Variants in GRM3 observed in about 807,000 individuals in gnomAD.
The protein encoded by GRM3 is metabotropic glutamate receptor 3.
GRM3 carries 26 observed loss-of-function variants against 70.5 expected under a neutral mutation model. The observed-to-expected ratio is 0.37, with a 90% CI of 0.27 to 0.51. The LOEUF is 0.51. Ranked by LOEUF, GRM3 falls within the 20% of genes least tolerant of loss-of-function variation. The pLI is 0.93. For missense variants in GRM3, 859 were observed against 1,123.8 expected (o/e 0.76, Z 3.37); for synonymous variants, 443 against 434.9 (o/e 1.02, Z -0.23).
rs376131269 is a variant in GRM3, at chr7:86,832,547, G to A, written c.1325-6292G>A. On this transcript the variant is annotated intron_variant, in intron 3 of 5. Transcript: ENST00000361669. ...ATTACAGGAGTCAGCCACTGCGCCCGGCCACTGCTAGTAGCTTTTGCAATC... is the reference window on the plus strand; with the variant it reads ...ATTACAGGAGTCAGCCACTGCGCCCAGCCACTGCTAGTAGCTTTTGCAATC... Among the ~76,000 whole-genome samples the A allele has an allele frequency of 1.2e-3, 175 of 152,124 alleles. 7 individuals carry two copies. In the South Asian group the frequency reaches 0.035, roughly 30 times the overall value.
intron 1 of GRM3, among the ~76,000 whole-genome samples, chr7:86,704,605 C>T (rs545495770): frequency 5.3e-4 from 81 of 151,872 alleles, no homozygotes; most frequent in Non-Finnish European, 9.7e-4. Context: ...CAACTTTAAT[C>T]GGCTCAATAT....
At chr7:86,803,360 A>G (rs952859661) in intron 3 of GRM3, among the ~76,000 whole-genome samples, 7 of 152,180 alleles carry the variant, frequency 4.6e-5, no homozygotes, top group African/African-American at 1.4e-4. Flanking sequence ...CTTTCTTTTC[A>G]GTAGAGAAAT....
rs1464835532 is a variant in GRM3, at chr7:86,644,633, A to C, written c.-380A>C. 1.7e-5 allele frequency: 8 copies of C among 470,564 alleles called. No individual in the cohort carries two copies. The highest frequency in any genetic ancestry group is 3.3e-5 in the Non-Finnish European group (8 of 244,768). 29.1% of individuals were successfully genotyped at this position (470,564 alleles called of 1,614,324 possible). On this transcript the variant is annotated 5_prime_UTR_variant, in exon 1 of 6. Transcript: ENST00000361669. ...ATGTTCTGCCACCGGGCAGTGGTCC[A>C]GCGTGCAGCCGGGAGGGGGCAGGGG...
chr7:86,645,271 G>T (rs942661147), intron 1 of GRM3, among the ~76,000 whole-genome samples: 9 of 152,142 alleles, frequency 5.9e-5, no homozygotes, highest in African/African-American at 1.9e-4. Flanking sequence ...CCGTGGATAC[G>T]GGCGGTTTCA....
At chr7:86,764,694 C>T (rs1038960121) in intron 1 of GRM3, among the ~76,000 whole-genome samples, 2 of 151,938 alleles carry the variant, frequency 1.3e-5, no homozygotes, top group African/African-American at 4.8e-5. Flanking sequence ...CTGGACTTGG[C>T]TTTCAAAAGA....
At position 86,772,124 on chromosome 7, in the gene GRM3, A is replaced by AT. The variant is rs148911604; in HGVS notation, c.468+6517dup. ...TAAGCCACTTGAGTTTAAGAACCAC[A>AT]TTTTTTGTCTTTATATTATATTACT... On this transcript the variant is annotated intron_variant, in intron 2 of 5. Coordinates refer to ENST00000361669, the MANE Select transcript of GRM3 (RefSeq NM_000840.3). Among the ~76,000 whole-genome samples the AT allele has an allele frequency of 5.3e-3, 810 of 152,158 alleles. 3 individuals are homozygous for AT. The highest frequency in any genetic ancestry group is 0.018 in the African/African-American group (749 of 41,532).
At chr7:86,820,341 C>G (rs1333148658) in intron 3 of GRM3, among the ~76,000 whole-genome samples, 1 of 152,106 alleles carries the variant, frequency 6.6e-6, no homozygotes, top group African/African-American at 2.4e-5. Context: ...CCATCAGGAT[C>G]TTGGATCACA....
Position 86,786,896 on chromosome 7 carries a change from C to A in GRM3, c.1104C>A (p.Asn368Lys), listed in dbSNP as rs1362373579. ...KFQCSLQNKR[N>K]HRRVCDKHLA... Reference sequence around the variant, plus strand: ...AGTGCAGCCTCCAGAACAAACGCAACCACAGGCGCGTCTGCGACAAGCACC... The same window carrying A: ...AGTGCAGCCTCCAGAACAAACGCAAACACAGGCGCGTCTGCGACAAGCACC... Residue 368 changes from asparagine to lysine, a missense_variant, in exon 3 of 6, where the codon AAC becomes AAA. Transcript: ENST00000361669. The surrounding 1 kb of genome is among the most constrained non-coding windows in gnomAD (Gnocchi z 6.0). 9.3e-6 allele frequency: 15 copies of A among 1,614,164 alleles called. No individual in the cohort carries two copies. Among genetic ancestry groups the A allele is most frequent in the Non-Finnish European group, 1.3e-5 (15 of 1,179,968 alleles).
At chr7:86,796,511 T>C (rs1030989045) in intron 3 of GRM3, among the ~76,000 whole-genome samples, 11 of 152,184 alleles carry the variant, frequency 7.2e-5, no homozygotes, top group African/African-American at 2.4e-4. Context: ...CTGCCACCTT[T>C]GTTTTTTTTG....
rs1562811242 is a variant in GRM3 at position 86,645,996 on chromosome 7, GGT to G, written c.-141+1126_-141+1127del. On this transcript the variant is annotated intron_variant, in intron 1 of 5. Coordinates refer to ENST00000361669, the MANE Select transcript of GRM3 (RefSeq NM_000840.3). ...TCTTTGTGGTGGGCGGGGGGGTGGG[GGT>G]GGGGGGGTGGGGGGGGGTGGGAGGG... is the stretch of plus-strand genomic sequence containing the variant. 5.3e-3 allele frequency among the ~76,000 whole-genome samples: 177 copies of G among 33,682 alleles called. 9 individuals are homozygous for G. The highest frequency in any genetic ancestry group is 0.012 in the African/African-American group (121 of 9,908). 22.1% of individuals were successfully genotyped at this position (33,682 alleles called of 152,430 possible).
chr7:86,796,369 T>G (rs971568616), intron 3 of GRM3, among the ~76,000 whole-genome samples: 3 of 152,176 alleles, frequency 2.0e-5, no homozygotes, highest in Non-Finnish European at 2.9e-5. Flanking sequence ...GATCAGATGA[T>G]TGTTGATGTG....
At chr7:86,672,854 C>A (rs1001589758) in intron 1 of GRM3, among the ~76,000 whole-genome samples, 2 of 152,122 alleles carry the variant, frequency 1.3e-5, no homozygotes, top group African/African-American at 2.4e-5. Flanking sequence ...ACAAAAGCAT[C>A]CCCTCCCCTC....
intron 1 of GRM3, among the ~76,000 whole-genome samples, chr7:86,664,256 T>C (rs2115859014): frequency 6.6e-6 from 1 of 151,970 alleles, no homozygotes; most frequent in East Asian, 1.9e-4. Context: ...CTACAGAAGA[T>C]GGTAGCTTAG....
At chr7:86,823,204 C>G (rs1334957616) in intron 3 of GRM3, among the ~76,000 whole-genome samples, 1 of 152,114 alleles carries the variant, frequency 6.6e-6, no homozygotes, top group Non-Finnish European at 1.5e-5. Context: ...ATTTGAGGTG[C>G]TGTTCATGTT....
chr7:86,756,149 G>C lies in GRM3; in HGVS notation c.-140-8857G>C, dbSNP rs372107999. Reference sequence around the variant, plus strand: ...ACTGGAGTGCAATGGCGTGATCTTTGCTCACTGCAACCTCCTCCTCCTGGG... The same window carrying C: ...ACTGGAGTGCAATGGCGTGATCTTTCCTCACTGCAACCTCCTCCTCCTGGG... On this transcript the variant is annotated intron_variant, in intron 1 of 5. Transcript: ENST00000361669. Among the ~76,000 whole-genome samples, 9 of 152,228 alleles carry C rather than the reference G, an allele frequency of 5.9e-5. No individual in the cohort carries two copies. In the East Asian group the frequency reaches 1.4e-3, roughly 23 times the overall value.
intron 3 of GRM3, among the ~76,000 whole-genome samples, chr7:86,812,490 A>T (rs1362659164): frequency 6.6e-6 from 1 of 151,834 alleles, no homozygotes; most frequent in Non-Finnish European, 1.5e-5. Flanking sequence ...TTCCAAAAAA[A>T]GGTTAGGATT....
In GRM3 at chr7:86,864,362, A is replaced by T; in HGVS notation, c.*7A>T. Reference sequence around the variant, plus strand: ...CACCACCTCATCTCTGTGATTGTGAATTGCAGTTCAGTTCTTGTGTTTTTA... The same window carrying T: ...CACCACCTCATCTCTGTGATTGTGATTTGCAGTTCAGTTCTTGTGTTTTTA... On this transcript the variant is annotated 3_prime_UTR_variant, in exon 6 of 6. Coordinates refer to ENST00000361669, the MANE Select transcript of GRM3 (RefSeq NM_000840.3). The T allele has an allele frequency of 6.2e-7, 1 of 1,604,602 alleles. No homozygotes were observed. The highest frequency in any genetic ancestry group is 8.5e-7 in the Non-Finnish European group (1 of 1,171,454).
intron 3 of GRM3, among the ~76,000 whole-genome samples, chr7:86,787,641 T>G (rs1797293591): frequency 1.3e-5 from 2 of 152,162 alleles, no homozygotes; most frequent in Admixed American, 1.3e-4. Context: ...CCCTAGTGAT[T>G]TCTAGGCATT....
At chr7:86,864,191 C>G in intron 5 of GRM3, 91 bp from the exon 6 acceptor site, 1 of 743,138 alleles carries the variant, frequency 1.3e-6, no homozygotes, top group Non-Finnish European at 2.5e-6. Flanking sequence ...CCCTTCCCCC[C>G]GAGTCCCCAA....
Sources: gnomAD v4.1 joint callset for allele counts (sites outside exome capture counted in the v4.1 genomes callset) on GRCh38, gnomAD v4.1.1 for gene constraint, Gnocchi (gnomAD v3.1) non-coding constraint, MANE v1.5 for transcripts, NCBI Gene and HGNC (gene_info 2026-07-23, HGNC 2026-07-21) for gene names.